EIF2S3: variants seen among roughly 807,000 people sequenced by gnomAD.
EIF2S3 encodes the protein eukaryotic translation initiation factor 2 subunit gamma.
Under a neutral mutation model 31.7 loss-of-function variants are expected in EIF2S3, and 2 were observed. The ratio of observed to expected loss-of-function variants is 0.06; its 90% CI spans 0.03 to 0.20. EIF2S3 has a LOEUF of 0.20. EIF2S3 is among the 10% of genes least tolerant of loss of function. The pLI, the probability that EIF2S3 is intolerant of heterozygous loss-of-function variation, is 1.00. For missense variants in EIF2S3, 96 were observed against 359.3 expected, an observed-to-expected ratio of 0.27 and a Z score of 5.92; for synonymous variants, 120 against 126.7, an observed-to-expected ratio of 0.95 and a Z score of 0.36.
chrX:24,072,975 A>G (rs1218421528), intron 10 of EIF2S3, 116 bp from the exon 11 acceptor site: 7 of 828,852 alleles, frequency 8.4e-6, no homozygotes, highest in African/African-American at 6.3e-5. Context: ...TGAAATTTCT[A>G]TAGAATTTTT....
intron 10 of EIF2S3, 52 bp from the exon 11 acceptor site, chrX:24,073,039 G>T: frequency 8.8e-7 from 1 of 1,133,917 alleles, no homozygotes; most frequent in Non-Finnish European, 1.2e-6. Context: ...CTTACATTTG[G>T]AAAGCATTTT....
intron 5 of EIF2S3, among the ~76,000 whole-genome samples, chrX:24,060,687 T>C (rs1283360943): frequency 9.1e-6 from 1 of 110,419 alleles, no homozygotes; most frequent in Non-Finnish European, 1.9e-5. Context: ...AAGCTGCTGG[T>C]GCGGTGGCTC....
intron 5 of EIF2S3, among the ~76,000 whole-genome samples, chrX:24,061,127 C>T (rs1930485407): frequency 9.5e-6 from 1 of 105,551 alleles, no homozygotes; most frequent in Admixed American, 1.0e-4. Flanking sequence ...CTTGGTGGTG[C>T]GTGCCTGTAA....
intron 4 of EIF2S3, among the ~76,000 whole-genome samples, chrX:24,058,535 TC>T (rs1305838835): frequency 1.5e-5 from 1 of 65,895 alleles, no homozygotes; most frequent in African/African-American, 6.2e-5. Context: ...TTTTTTTCTT[TC>T]TTTTTTTTTT....
At chrX:24,076,670 T>C in intron 11 of EIF2S3, 52 bp from the exon 12 acceptor site, 2 of 1,118,481 alleles carry the variant, frequency 1.8e-6, no homozygotes, top group Non-Finnish European at 2.4e-6. Flanking sequence ...TGTGTGGTAA[T>C]GAGAGTGAAG....
chrX:24,070,502 A>G (rs1204499114), intron 9 of EIF2S3, among the ~76,000 whole-genome samples: 9 of 78,244 alleles, frequency 1.2e-4, no homozygotes, highest in Non-Finnish European at 2.0e-4. Flanking sequence ...GTGCAGTGGC[A>G]CGATCTCGGC....
rs1930792531 is a variant in EIF2S3, at chrX:24,078,504, C to G, written c.*1719C>G. The stretch of plus-strand genomic sequence containing the variant: ...TCAGGCATTGATATCTTTAAAAACT[C>G]CCCAGTGTTGAGAAACAAATTTAGA... On this transcript the variant is annotated 3_prime_UTR_variant, in exon 12 of 12. Coordinates refer to ENST00000253039, the MANE Select transcript of EIF2S3 (RefSeq NM_001415.4). Among the ~76,000 whole-genome samples the G allele has an allele frequency of 9.0e-6, 1 of 111,137 alleles. No individual in the cohort carries two copies. The highest frequency in any genetic ancestry group is 3.3e-5 in the African/African-American group (1 of 30,668).
chrX:24,068,730 A>G (rs1189409652), intron 9 of EIF2S3, among the ~76,000 whole-genome samples: 1 of 111,677 alleles, frequency 9.0e-6, no homozygotes, highest in Non-Finnish European at 1.9e-5. Flanking sequence ...ACAGGCGTGA[A>G]CCACCATGCC....
intron 1 of EIF2S3, among the ~76,000 whole-genome samples, chrX:24,055,323 G>C (rs1272357722): frequency 2.7e-5 from 3 of 111,847 alleles, no homozygotes; most frequent in South Asian, 3.7e-4. Context: ...CGTCTGGGAA[G>C]GGGGTGTCCT....
At chrX:24,057,107 T>G (rs1395239262) in intron 2 of EIF2S3, among the ~76,000 whole-genome samples, 1 of 112,747 alleles carries the variant, frequency 8.9e-6, no homozygotes, top group Non-Finnish European at 1.9e-5. Context: ...CTCGGCTCAC[T>G]GCAGCCTCCA....
At chrX:24,066,993 G>A (rs6526367) in intron 8 of EIF2S3, among the ~76,000 whole-genome samples, 1 of 110,254 alleles carries the variant, frequency 9.1e-6, no homozygotes, top group South Asian at 3.7e-4. Flanking sequence ...TATGGTAGCT[G>A]TATTTTCAGG....
chrX:24,058,948 C>G (rs1188776289), intron 4 of EIF2S3, among the ~76,000 whole-genome samples: 1 of 109,803 alleles, frequency 9.1e-6, no homozygotes, highest in African/African-American at 3.3e-5. Flanking sequence ...TGGTCTCGAA[C>G]TCCTGGCCTC....
chrX:24,055,094 C>A, intron 1 of EIF2S3, 57 bp downstream of exon 1: 1 of 1,154,481 alleles, frequency 8.7e-7, no homozygotes, highest in Non-Finnish European at 1.2e-6. Context: ...GTGACCGAGC[C>A]TCCCGGTGGT....
intron 9 of EIF2S3, among the ~76,000 whole-genome samples, chrX:24,068,780 A>C (rs1029975627): frequency 9.0e-6 from 1 of 111,529 alleles, no homozygotes; most frequent in Non-Finnish European, 1.9e-5. Flanking sequence ...CAAATGGAAA[A>C]TTACCTACAA....
intron 10 of EIF2S3, 108 bp downstream of exon 10, chrX:24,071,835 G>A (rs1602048110): frequency 1.1e-6 from 1 of 879,051 alleles, no homozygotes; most frequent in Non-Finnish European, 1.5e-6. Context: ...AAGAAAAAAA[G>A]AAAAGGTAAA....
Position 24,072,964 on chromosome X carries a change from A to G in EIF2S3, c.1183-127A>G, listed in dbSNP as rs41311809. Reference sequence around the variant, plus strand: ...TATATATAGTTCAAATTCCTTTACAATGAAATTTCTATAGAATTTTTTTTA... The same window carrying G: ...TATATATAGTTCAAATTCCTTTACAGTGAAATTTCTATAGAATTTTTTTTA... On this transcript the variant is annotated intron_variant, in intron 10 of 11. Coordinates refer to ENST00000253039, the MANE Select transcript of EIF2S3 (RefSeq NM_001415.4). 10,087 of 775,948 alleles carry G rather than the reference A, an allele frequency of 0.013. 69 individuals carry two copies. The highest frequency in any genetic ancestry group is 0.017 in the Non-Finnish European group (9,136 of 548,933). 63.9% of individuals were successfully genotyped at this position (775,948 alleles called of 1,213,427 possible). A position where few individuals can be genotyped will look rare whatever the true frequency, so the allele number is the denominator to read the frequency against.
chrX:24,064,143 C>T (rs1251673323), intron 6 of EIF2S3, 58 bp from the exon 7 acceptor site: 45 of 989,902 alleles, frequency 4.5e-5, no homozygotes, highest in Non-Finnish European at 5.3e-6. Context: ...GTAACAGATA[C>T]ATAGAATAAA....
chrX:24,069,078 A>G lies in EIF2S3; in HGVS notation c.1012+970A>G, dbSNP rs1479447189. On this transcript the variant is annotated intron_variant, in intron 9 of 11. Transcript: ENST00000253039. ...AAAGGAAATAAAAGAAAACAAAAAA[A>G]TGAAAAAGAGTTTACCAGGTTGGCT... 2.7e-5 allele frequency among the ~76,000 whole-genome samples: 3 copies of G among 111,855 alleles called. No individual in the cohort carries two copies. In the East Asian group the frequency reaches 8.4e-4, roughly 31 times the overall value.
In EIF2S3 at chrX:24,057,737, G is replaced by C; in HGVS notation, c.366G>C (p.Gly122=). The C allele has an allele frequency of 8.3e-7, 1 of 1,208,534 alleles. No individual in the cohort carries two copies. ...EFPTDIPGTK[G]NFKLVRHVSF... ...CTACGGACATTCCAGGGACCAAAGG[G>C]AACTTCAAATTAGTCAGGTGACCTC... Residue 122 remains glycine (G), a synonymous_variant, in exon 4 of 12, where the codon GGG becomes GGC. Transcript: ENST00000253039.
Sources: allele counts gnomAD v4.1 joint callset (sites outside exome capture counted in the v4.1 genomes callset), GRCh38; gene constraint gnomAD v4.1.1; transcripts MANE v1.5; gene names NCBI Gene and HGNC (gene_info 2026-07-23, HGNC 2026-07-21).